The following ASTN2 variants were observed in gnomAD, a reference collection of about 807,000 sequenced individuals.
ASTN2 encodes astrotactin 2.
A neutral mutation model predicts 139.8 loss-of-function variants in ASTN2; 54 were observed. That is an observed-to-expected ratio of 0.39 (90% CI 0.31 to 0.48). The LOEUF is 0.48. Among genes scored for constraint, ASTN2 ranks in the 20% least tolerant of loss-of-function variants. The pLI is 0.95. For missense variants in ASTN2, 1,565 were observed against 1,725.1 expected, an observed-to-expected ratio of 0.91 and a Z score of 1.64; for synonymous variants, 756 against 719.5, an observed-to-expected ratio of 1.05 and a Z score of -0.81.
At chr9:116,595,474 G>A (rs60999502) in intron 19 of ASTN2, among the ~76,000 whole-genome samples, 33 of 152,034 alleles carry the variant, frequency 2.2e-4, no homozygotes, top group Admixed American at 8.5e-4. Context: ...CTACAGGGGC[G>A]CACCACCATG....
chr9:116,906,510 C>G (rs1834166419), intron 10 of ASTN2, among the ~76,000 whole-genome samples: 1 of 152,104 alleles, frequency 6.6e-6, no homozygotes, highest in Non-Finnish European at 1.5e-5. Flanking sequence ...TCTCTCATTC[C>G]ACTCTTCCCA....
At chr9:117,359,128 G>A (rs1829626634) in intron 1 of ASTN2, among the ~76,000 whole-genome samples, 1 of 152,150 alleles carries the variant, frequency 6.6e-6, no homozygotes, top group East Asian at 1.9e-4. Context: ...GATCAAACTT[G>A]TATTCTGGAC....
At chr9:117,304,047 G>A (rs1176635367) in intron 1 of ASTN2, among the ~76,000 whole-genome samples, 1 of 152,166 alleles carries the variant, frequency 6.6e-6, no homozygotes, top group East Asian at 1.9e-4. Flanking sequence ...TGTGAGAGAA[G>A]CCAACCTGGG....
chr9:117,407,819 A>G (rs1831039086), intron 1 of ASTN2, among the ~76,000 whole-genome samples: 1 of 152,138 alleles, frequency 6.6e-6, no homozygotes, highest in Non-Finnish European at 1.5e-5. Flanking sequence ...GGAAAGAAAA[A>G]CCAGCTCTCT....
At chr9:116,789,167 G>A (rs911092768) in intron 13 of ASTN2, among the ~76,000 whole-genome samples, 1 of 152,164 alleles carries the variant, frequency 6.6e-6, no homozygotes, top group Non-Finnish European at 1.5e-5. Context: ...GGCATGACAA[G>A]TAAGAACAAT....
chr9:116,626,197 T>C (rs189018788), intron 17 of ASTN2, among the ~76,000 whole-genome samples: 1 of 125,674 alleles, frequency 8.0e-6, no homozygotes, highest in Non-Finnish European at 1.6e-5. Context: ...GTAGAGACAC[T>C]GTTTCATCAT....
chr9:116,535,317 T>C (rs372034369), intron 19 of ASTN2, among the ~76,000 whole-genome samples: 3 of 152,216 alleles, frequency 2.0e-5, no homozygotes, highest in South Asian at 4.1e-4. Flanking sequence ...CTTTGTCCAA[T>C]TTGCCAATCT....
intron 4 of ASTN2, among the ~76,000 whole-genome samples, chr9:117,133,826 A>G (rs542028755): frequency 2.0e-5 from 3 of 152,264 alleles, no homozygotes; most frequent in East Asian, 3.9e-4. Context: ...GAATTTGCAT[A>G]TTGGCAATGG....
intron 1 of ASTN2, among the ~76,000 whole-genome samples, chr9:117,319,100 G>A (rs1266760462): frequency 6.6e-6 from 1 of 152,188 alleles, no homozygotes. Flanking sequence ...CGATAAGATT[G>A]AAGTAATCAT....
chr9:116,646,439 G>A (rs1186948130), intron 17 of ASTN2, among the ~76,000 whole-genome samples: 2 of 152,128 alleles, frequency 1.3e-5, no homozygotes, highest in African/African-American at 4.8e-5. Context: ...AAAGTCATGG[G>A]AGGAAGGGTG....
intron 10 of ASTN2, among the ~76,000 whole-genome samples, chr9:116,871,330 T>C (rs1339627543): frequency 6.6e-6 from 1 of 152,214 alleles, no homozygotes; most frequent in Non-Finnish European, 1.5e-5. Flanking sequence ...GAACGCTTTG[T>C]TGAGATATAA....
rs1831827263 is a variant in ASTN2 at position 117,204,059 on chromosome 9, A to T, written c.1015+10299T>A. Among the ~76,000 whole-genome samples, 3 of 152,128 alleles carry T rather than the reference A, an allele frequency of 2.0e-5. No individual in the cohort carries two copies. The South Asian group carries it at 6.2e-4, about 32-fold the overall frequency. ...TGTCCCAGAGCCTCTGGCTGGAGTT[A>T]TTGGAGATCCTACAGGGAAGCCCCA... On this transcript the variant is annotated intron_variant, in intron 3 of 22. Transcript: ENST00000313400.
chr9:116,591,931 G>A (rs1854394709), intron 19 of ASTN2, among the ~76,000 whole-genome samples: 1 of 152,152 alleles, frequency 6.6e-6, no homozygotes, highest in African/African-American at 2.4e-5. Flanking sequence ...AAGACATTCT[G>A]CCACAAATAA....
chr9:117,311,216 T>C (rs1165715370), intron 1 of ASTN2, among the ~76,000 whole-genome samples: 2 of 119,148 alleles, frequency 1.7e-5, no homozygotes, highest in East Asian at 4.8e-4. Flanking sequence ...CCTCAATAAA[T>C]GGTAGGCTTA....
At chr9:116,545,724 T>C (rs1197419156) in intron 19 of ASTN2, 2 of 152,194 alleles carry the variant, frequency 1.3e-5, no homozygotes, top group East Asian at 3.9e-4. Context: ...TCAAAATTCA[T>C]TCAACAAACA....
Position 116,699,201 on chromosome 9 carries a change from G to A in ASTN2, c.2806+26570C>T, listed in dbSNP as rs111033570. The A allele has an allele frequency of 3.7e-6, 6 of 1,614,230 alleles. No individual in the cohort carries two copies. Among genetic ancestry groups the A allele is most frequent in the Non-Finnish European group, 5.1e-6 (6 of 1,180,046 alleles). On this transcript the variant is annotated intron_variant, in intron 16 of 22. Transcript: ENST00000313400. The surrounding 1 kb of genome is among the most constrained non-coding windows in gnomAD (Gnocchi z 4.2). ...GCCATCTGGCCAGTTTGTAGTAACC[G>A]ATGTGGAAGGTGGAAAGCTTTGGTG...
intron 22 of ASTN2, among the ~76,000 whole-genome samples, chr9:116,428,104 G>C (rs888606719): frequency 6.6e-6 from 1 of 152,234 alleles, no homozygotes; most frequent in African/African-American, 2.4e-5. Flanking sequence ...TATAAAAGAA[G>C]TCACGAGAGC....
intron 13 of ASTN2, among the ~76,000 whole-genome samples, chr9:116,777,113 G>T (rs1830103797): frequency 6.6e-6 from 1 of 152,106 alleles, no homozygotes; most frequent in African/African-American, 2.4e-5. Flanking sequence ...ACCAAATCTG[G>T]TTGGACAATG....
chr9:116,674,231 C>G (rs1859368198), intron 16 of ASTN2, among the ~76,000 whole-genome samples: 1 of 152,180 alleles, frequency 6.6e-6, no homozygotes, highest in Non-Finnish European at 1.5e-5. Flanking sequence ...TCAGCTGGCA[C>G]TACCCAAATC....
Sources: gnomAD v4.1 joint callset for allele counts (sites outside exome capture counted in the v4.1 genomes callset) on GRCh38, gnomAD v4.1.1 for gene constraint, Gnocchi (gnomAD v3.1) non-coding constraint, MANE v1.5 for transcripts, NCBI Gene and HGNC (gene_info 2026-07-23, HGNC 2026-07-21) for gene names.